The following CEP164 variants were observed in gnomAD, a reference collection of about 807,000 sequenced individuals.
The protein encoded by CEP164 is centrosomal protein 164, also known as centrosomal protein of 164 kDa.
CEP164 carries 162 observed loss-of-function variants against 182.7 expected under a neutral mutation model. That is an observed-to-expected ratio of 0.89 (90% CI 0.78 to 1.01). The LOEUF is 1.01. Ranked by LOEUF, CEP164 falls within the 50% of genes least tolerant of loss-of-function variation. CEP164 has a pLI of 0.00. For synonymous variants in CEP164, 661 were observed against 690.0 expected (o/e 0.96, Z 0.66); for missense variants, 1,735 against 1,790.4 (o/e 0.97, Z 0.56).
Position 117,411,312 on chromosome 11 carries a change from A to G in CEP164, c.4163+418A>G, listed in dbSNP as rs1222679409. 5 of 247,918 alleles carry G rather than the reference A, an allele frequency of 2.0e-5. No homozygotes were observed. In the South Asian group the frequency reaches 2.1e-4, roughly 10 times the overall value. The allele number at this position is 247,918 out of a possible 1,614,324, so 15.4% of individuals were successfully genotyped here. ...TATTCCCCCAGTCCTGCTGAGCAACATCTGGAGTGAGAGGGACACCCTGTG... is the reference window on the plus strand; with the variant it reads ...TATTCCCCCAGTCCTGCTGAGCAACGTCTGGAGTGAGAGGGACACCCTGTG... On this transcript the variant is annotated intron_variant, in intron 31 of 32. Coordinates refer to ENST00000278935, the MANE Select transcript of CEP164 (RefSeq NM_014956.5). The surrounding 1 kb of genome is among the most constrained non-coding windows in gnomAD (Gnocchi z 4.4).
upstream of CEP164, among the ~76,000 whole-genome samples, chr11:117,326,453 G>A (rs761687370): frequency 1.1e-4 from 16 of 145,276 alleles, no homozygotes; most frequent in South Asian, 2.2e-4. Flanking sequence ...GGCTGGTCTC[G>A]AACTCCTGAC....
intron 15 of CEP164, among the ~76,000 whole-genome samples, chr11:117,388,737 A>G (rs1217272202): frequency 6.6e-6 from 1 of 151,506 alleles, no homozygotes; most frequent in African/African-American, 2.4e-5. Context: ...GGGAATCTAG[A>G]AGGAAGGATT....
intron 11 of CEP164, among the ~76,000 whole-genome samples, chr11:117,376,871 T>C (rs2042797779): frequency 6.6e-6 from 1 of 152,146 alleles, no homozygotes; most frequent in Non-Finnish European, 1.5e-5. Context: ...CCTTTGGCAG[T>C]AGGTGAGTGG....
chr11:117,344,006 T>G (rs1413792514), intron 3 of CEP164, among the ~76,000 whole-genome samples, 160 bp from the exon 4 acceptor site: 1 of 152,216 alleles, frequency 6.6e-6, no homozygotes, highest in African/African-American at 2.4e-5. Flanking sequence ...AAGTGTACTA[T>G]TTGTAAATTG....
Position 117,362,543 on chromosome 11 carries a change from T to C in CEP164, c.687+5T>C. 1.2e-6 allele frequency: 2 copies of C among 1,612,814 alleles called. No individual in the cohort carries two copies. Among genetic ancestry groups the C allele is most frequent in the Non-Finnish European group, 1.7e-6 (2 of 1,179,644 alleles). On this transcript the variant is annotated splice_donor_5th_base_variant and intron_variant, in intron 7 of 32. Transcript: ENST00000278935. ...GAGGAGGAAAGTGACAACCAGGTAA[T>C]GATGAAGTCCTCTCCCTGGCCTGGA...
In CEP164 at chr11:117,397,120, T is replaced by C; in HGVS notation, c.3308T>C (p.Leu1103Pro). 1 of 1,614,168 alleles carries C rather than the reference T, an allele frequency of 6.2e-7. No homozygotes were observed. Among genetic ancestry groups the C allele is most frequent in the South Asian group, 1.1e-5 (1 of 91,090 alleles). The change falls in exon 27 of 33, where the codon CTC (leucine) becomes CCC (proline). Residue 1103 changes from leucine to proline, a missense_variant. Transcript: ENST00000278935. ...TCCTCCCACAATGTCTGGCACCTCCTCTCTGCTGAGGGGGTAGCCCTCCGT... is the reference window on the plus strand; with the variant it reads ...TCCTCCCACAATGTCTGGCACCTCCCCTCTGCTGAGGGGGTAGCCCTCCGT... ...SLSSHNVWHL[L>P]SAEGVALRSA...
chr11:117,333,339 C>T (rs1300493163), intron 1 of CEP164, among the ~76,000 whole-genome samples: 5 of 152,082 alleles, frequency 3.3e-5, no homozygotes, highest in Non-Finnish European at 5.9e-5. Context: ...GACTTCTCAT[C>T]CTCTGTTACC....
chr11:117,326,144 C>G (rs1242273521), upstream of CEP164, among the ~76,000 whole-genome samples: 1 of 151,924 alleles, frequency 6.6e-6, no homozygotes, highest in Non-Finnish European at 1.5e-5. Flanking sequence ...CTCCTGACCT[C>G]AGGTGATCCA....
chr11:117,331,209 G>A (rs1440457229), intron 1 of CEP164, among the ~76,000 whole-genome samples: 1 of 152,188 alleles, frequency 6.6e-6, no homozygotes. Flanking sequence ...TGAAGGACTG[G>A]GAAACGATAT....
At chr11:117,381,954 G>T (rs2043361590) in intron 13 of CEP164, 86 bp downstream of exon 13, 15 of 731,350 alleles carry the variant, frequency 2.1e-5, no homozygotes, top group East Asian at 6.3e-5. Flanking sequence ...TGCTGAGAGA[G>T]ATGGGGGTGG....
chr11:117,361,705 G>A (rs2040994213), intron 5 of CEP164, 130 bp from the exon 6 acceptor site: 2 of 860,176 alleles, frequency 2.3e-6, no homozygotes, highest in South Asian at 1.5e-5. Context: ...TGTTTCATTA[G>A]CAGCCTCTGA....
At position 117,371,336 on chromosome 11, in the gene CEP164, A is replaced by G; in HGVS notation, c.1022A>G (p.Lys341Arg). 1 of 1,614,214 alleles carries G rather than the reference A, an allele frequency of 6.2e-7. No homozygotes were observed. The highest frequency in any genetic ancestry group is 8.5e-7 in the Non-Finnish European group (1 of 1,180,040). The part of the protein sequence containing the change: ...KADPTGSEPA[K>R]ASEKEAPEDT... Reference sequence around the variant, plus strand: ...GACCCTACAGGCAGTGAGCCTGCCAAAGCCTCTGAAAAGGAAGCACCAGAG... The same window carrying G: ...GACCCTACAGGCAGTGAGCCTGCCAGAGCCTCTGAAAAGGAAGCACCAGAG... The change falls in exon 9 of 33, where the codon AAA becomes AGA. Residue 341 changes from lysine (K) to arginine (R), a missense_variant. By Grantham distance (26) the Lys-to-Arg change is conservative. Transcript: ENST00000278935.
rs759861890 is a variant in CEP164 at position 117,338,556 on chromosome 11, T to C, written c.-21-10T>C. ...ATTTTTCTCTTTTGGTGGGGGCCTCTGGGATCTAGGTGTTTGAGCCCAGAT... is the reference window on the plus strand; with the variant it reads ...ATTTTTCTCTTTTGGTGGGGGCCTCCGGGATCTAGGTGTTTGAGCCCAGAT... On this transcript the variant is annotated splice_polypyrimidine_tract_variant and intron_variant, in intron 2 of 32. Coordinates refer to ENST00000278935, the MANE Select transcript of CEP164 (RefSeq NM_014956.5). 17 of 1,597,566 alleles carry C rather than the reference T, an allele frequency of 1.1e-5. No homozygotes were observed. The highest frequency in any genetic ancestry group is 1.5e-5 in the Non-Finnish European group (17 of 1,165,334).
chr11:117,335,551 G>A (rs964019196), intron 1 of CEP164, 54 bp from the exon 2 acceptor site: 2 of 151,050 alleles, frequency 1.3e-5, no homozygotes, highest in Non-Finnish European at 2.9e-5. Flanking sequence ...TCCAGATCCA[G>A]CCATTTCCTT....
At position 117,381,730 on chromosome 11, in the gene CEP164, G is replaced by A. The variant is rs573209223; in HGVS notation, c.1439G>A (p.Arg480Gln). The change falls in exon 13 of 33, where the codon CGG becomes CAG. Residue 480 changes from arginine to glutamine, a missense_variant. Physicochemically the swap from Arg to Gln is conservative, Grantham distance 43. Coordinates refer to ENST00000278935, the MANE Select transcript of CEP164 (RefSeq NM_014956.5). ...RLSPPLPHEERAQSPPRSLAT... is the reference protein window; with the variant it reads ...RLSPPLPHEEQAQSPPRSLAT... ...TCTCCTCCACTTCCACACGAGGAGCGGGCCCAGAGTCCCCCTCGCAGCCTG... is the reference window on the plus strand; with the variant it reads ...TCTCCTCCACTTCCACACGAGGAGCAGGCCCAGAGTCCCCCTCGCAGCCTG... 47 of 1,610,144 alleles carry A rather than the reference G, an allele frequency of 2.9e-5. No homozygotes were observed. The South Asian group carries it at 3.3e-4, about 11-fold the overall frequency.
chr11:117,389,951 T>C, intron 15 of CEP164, among the ~76,000 whole-genome samples: 1 of 149,478 alleles, frequency 6.7e-6, no homozygotes, highest in Non-Finnish European at 1.5e-5. Flanking sequence ...TTTTTTTTTT[T>C]TTTTTTTTGG....
At chr11:117,355,874 G>A in intron 5 of CEP164, 1 of 1,047,398 alleles carries the variant, frequency 9.5e-7, no homozygotes, top group Non-Finnish European at 1.2e-6. Flanking sequence ...ATCAGAACCA[G>A]CTCAGAATCC....
chr11:117,346,833 C>T (rs1765598655), intron 4 of CEP164, among the ~76,000 whole-genome samples: 1 of 152,112 alleles, frequency 6.6e-6, no homozygotes, highest in African/African-American at 2.4e-5. Context: ...CACTGCTCTT[C>T]AGCCTGGGGG....
Position 117,409,722 on chromosome 11 carries a change from C to A in CEP164, c.3853C>A (p.Leu1285Ile). Residue 1285 changes from leucine to isoleucine, a missense_variant, in exon 30 of 33, where the codon CTC (leucine) becomes ATC (isoleucine). Physicochemically the swap from Leu to Ile is conservative, Grantham distance 5 (BLOSUM62 2). Coordinates refer to ENST00000278935, the MANE Select transcript of CEP164 (RefSeq NM_014956.5). This position sits in a 1 kb window ranked among gnomAD's most constrained non-coding sequence, Gnocchi z 4.4. ...LSSVLSILDS[L>I]NPQSPPPLLA... ...CAGTGTCCTCAGCATCCTGGACAGC[C>A]TCAACCCTCAGTCGCCGCCGCCGCT... 3.7e-6 allele frequency: 6 copies of A among 1,614,204 alleles called. No individual in the cohort carries two copies. The highest frequency in any genetic ancestry group is 5.1e-6 in the Non-Finnish European group (6 of 1,180,024).
Sources: gnomAD v4.1 joint callset for allele counts (sites outside exome capture counted in the v4.1 genomes callset) on GRCh38, gnomAD v4.1.1 for gene constraint, Gnocchi (gnomAD v3.1) non-coding constraint, MANE v1.5 for transcripts, NCBI Gene and HGNC (gene_info 2026-07-23, HGNC 2026-07-21) for gene names.